PROSER3: variants seen among roughly 807,000 people sequenced by gnomAD.
The protein encoded by PROSER3 is proline and serine rich 3.
Under a neutral mutation model 50.2 loss-of-function variants are expected in PROSER3, and 33 were observed. That is an observed-to-expected ratio of 0.66 (90% CI 0.50 to 0.88). The LOEUF (loss-of-function observed/expected upper bound fraction) is 0.88. Ranked by LOEUF, PROSER3 falls within the 40% of genes least tolerant of loss-of-function variation. The probability of loss-of-function intolerance (pLI) is 0.00; values close to 1 mark genes in which losing one functional copy is unlikely to be tolerated. For synonymous variants in PROSER3, 266 were observed against 259.3 expected (o/e 1.03, Z -0.25); for missense variants, 623 against 612.7 (o/e 1.02, Z -0.18).
intron 3 of PROSER3, among the ~76,000 whole-genome samples, chr19:35,760,846 T>C (rs1970933544): frequency 6.6e-6 from 1 of 152,220 alleles, no homozygotes; most frequent in Non-Finnish European, 1.5e-5. Flanking sequence ...AGTGAGTTAC[T>C]ATATATAATG....
At chr19:35,759,797 C>T in exon 3 of PROSER3, 2 of 1,561,302 alleles carry the variant, frequency 1.3e-6, no homozygotes, top group Non-Finnish European at 1.7e-6. Flanking sequence ...AGACCCTGAG[C>T]CCATCCAGGT....
At chr19:35,761,409 C>T (rs1414312754) in intron 3 of PROSER3, among the ~76,000 whole-genome samples, 3 of 152,020 alleles carry the variant, frequency 2.0e-5, no homozygotes, top group Non-Finnish European at 2.9e-5. Flanking sequence ...CAGTGGCTCA[C>T]GCCTGTAATT....
At chr19:35,761,195 A>G (rs1459013186) in intron 3 of PROSER3, among the ~76,000 whole-genome samples, 9 of 152,204 alleles carry the variant, frequency 5.9e-5, no homozygotes, top group Non-Finnish European at 1.3e-4. Context: ...CTACAAGGGT[A>G]CCTGGTAAAT....
At position 35,767,688 on chromosome 19, in the gene PROSER3, C is replaced by T. The variant is rs866335443; in HGVS notation, c.958-116C>T. The stretch of plus-strand genomic sequence containing the variant: ...CTGTTCCCTGACAGCCTGGAGGACA[C>T]GCCTCCTCACTTCGAGGGCCCCCCT... On this transcript the variant is annotated intron_variant, in intron 8 of 10. Coordinates refer to ENST00000396908, the Ensembl canonical transcript of PROSER3. 3.0e-4 allele frequency: 393 copies of T among 1,298,436 alleles called. 2 individuals carry two copies. The highest frequency in any genetic ancestry group is 1.9e-4 in the Middle Eastern group (1 of 5,250). The allele number at this position is 1,298,436 out of a possible 1,614,324, so 80.4% of individuals were successfully genotyped here. A position where few individuals can be genotyped will look rare whatever the true frequency, so the allele number is the denominator to read the frequency against.
At chr19:35,761,922 C>A in intron 3 of PROSER3, 97 bp from the exon 4 acceptor site, 1 of 1,342,272 alleles carries the variant, frequency 7.5e-7, no homozygotes, top group Non-Finnish European at 1.0e-6. Flanking sequence ...CTACCAGGCT[C>A]TGCCATGGTG....
Position 35,760,011 on chromosome 19 carries a change from G to A in PROSER3, c.311+20G>A. 6.5e-7 allele frequency: 1 copy of A among 1,540,420 alleles called. No homozygotes were observed. Among genetic ancestry groups the A allele is most frequent in the Non-Finnish European group, 8.7e-7 (1 of 1,143,676 alleles). On this transcript the variant is annotated intron_variant, in intron 3 of 10. Transcript: ENST00000396908. Reference sequence around the variant, plus strand: ...GGCCAAGTAAGTACCAGCAGCCCTGGGGGAAAAAGAGGCTTTGGGTTAGAG... The same window carrying A: ...GGCCAAGTAAGTACCAGCAGCCCTGAGGGAAAAAGAGGCTTTGGGTTAGAG...
At chr19:35,765,088 C>T in exon 7 of PROSER3, 2 of 1,614,018 alleles carry the variant, frequency 1.2e-6, no homozygotes, top group South Asian at 1.1e-5. Context: ...CCAGCACTTC[C>T]TCATTCCCCA....
chr19:35,770,490 C>T (rs1971297527), downstream of PROSER3, among the ~76,000 whole-genome samples: 1 of 152,174 alleles, frequency 6.6e-6, no homozygotes, highest in African/African-American at 2.4e-5. Context: ...CATCAAGAGG[C>T]AGAGTCTATG....
chr19:35,759,578 A>G lies in PROSER3; in HGVS notation c.108+108A>G, dbSNP rs1312949041. The G allele has an allele frequency of 6.0e-6, 7 of 1,157,722 alleles. No homozygotes were observed. The East Asian group carries it at 1.5e-4, about 26-fold the overall frequency. 71.7% of individuals were successfully genotyped at this position (1,157,722 alleles called of 1,614,324 possible). A position where few individuals can be genotyped will look rare whatever the true frequency, so the allele number is the denominator to read the frequency against. ...GAGATAGGGATGAGAGATTTAAGAG[A>G]CAGCCCCTTGTCCCCTCCCCACGGC... On this transcript the variant is annotated intron_variant, in intron 2 of 10. Transcript: ENST00000396908.
exon 9 of PROSER3, chr19:35,768,021 A>C (rs1277027223): frequency 1.3e-6 from 2 of 1,584,144 alleles, no homozygotes; most frequent in Non-Finnish European, 1.7e-6. Flanking sequence ...GCCCCCTCGG[A>C]GGCCCTGCTT....
rs183730204 is a variant in PROSER3, at chr19:35,768,404, G to A, written c.1302G>A (p.Arg434=). The A allele has an allele frequency of 9.4e-6, 15 of 1,595,452 alleles. No individual in the cohort carries two copies. The Admixed American group carries it at 2.2e-4, about 23-fold the overall frequency. ...CTCTGCTCTCCCGGCCTTTCTCCAGGGAAGCGGATGCCCGATTATCGTTCC... is the reference window on the plus strand; with the variant it reads ...CTCTGCTCTCCCGGCCTTTCTCCAGAGAAGCGGATGCCCGATTATCGTTCC... The change falls in exon 11 of 11, where the codon AGG becomes AGA. Residue 434 remains arginine, a splice_region_variant and synonymous_variant. Transcript: ENST00000396908.
chr19:35,766,700 A>G, intron 7 of PROSER3, 68 bp from the exon 8 acceptor site: 1 of 1,157,936 alleles, frequency 8.6e-7, no homozygotes, highest in Non-Finnish European at 1.2e-6. Context: ...GCGTGTGTGC[A>G]GGCTGTCCTG....
At chr19:35,767,544 G>A in intron 8 of PROSER3, 2 of 528,466 alleles carry the variant, frequency 3.8e-6, no homozygotes, top group Non-Finnish European at 6.7e-6. Flanking sequence ...AAGAGCCTGG[G>A]GCCCAAGTCT....
chr19:35,758,337 G>T, intron 1 of PROSER3, 111 bp downstream of exon 1: 1 of 1,330,156 alleles, frequency 7.5e-7, no homozygotes. Flanking sequence ...GGGCTCCACC[G>T]CACTGGAACT....
At position 35,768,248 on chromosome 19, in the gene PROSER3, T is replaced by C; in HGVS notation, c.1301+12T>C. Reference sequence around the variant, plus strand: ...AGTCGGCAGAAAAGGTGACCGACCCTCCATCCCCAGAGTCTATGACACTGG... The same window carrying C: ...AGTCGGCAGAAAAGGTGACCGACCCCCCATCCCCAGAGTCTATGACACTGG... On this transcript the variant is annotated intron_variant, in intron 10 of 10. Transcript: ENST00000396908. 1 of 1,608,460 alleles carries C rather than the reference T, an allele frequency of 6.2e-7. No homozygotes were observed. Among genetic ancestry groups the C allele is most frequent in the Non-Finnish European group, 8.5e-7 (1 of 1,177,676 alleles).
chr19:35,758,512 AT>A, intron 1 of PROSER3: 1 of 386,320 alleles, frequency 2.6e-6, no homozygotes, highest in East Asian at 3.8e-5. Flanking sequence ...TCATTTTGAA[AT>A]GGCCCCCAGA....
intron 5 of PROSER3, among the ~76,000 whole-genome samples, chr19:35,763,207 C>A (rs1010235887): frequency 2.0e-5 from 3 of 151,650 alleles, no homozygotes; most frequent in Non-Finnish European, 4.4e-5. Flanking sequence ...TCCATGCCCC[C>A]CCTTTTTTTT....
At chr19:35,765,779 C>T (rs1403806686) in intron 7 of PROSER3, among the ~76,000 whole-genome samples, 1 of 152,112 alleles carries the variant, frequency 6.6e-6, no homozygotes, top group South Asian at 2.1e-4. Flanking sequence ...AAGCGATCCC[C>T]CCACCGCCTT....
Position 35,758,240 on chromosome 19 carries a change from C to G in PROSER3, c.11+14C>G. ...GATGGACCGCAGGTGAGGCCGATCG[C>G]TCTTCCAGGGACTACAGGAGGCTGG... On this transcript the variant is annotated intron_variant, in intron 1 of 10. Coordinates refer to ENST00000396908, the Ensembl canonical transcript of PROSER3. 2 of 1,562,366 alleles carry G rather than the reference C, an allele frequency of 1.3e-6. No homozygotes were observed. Among genetic ancestry groups the G allele is most frequent in the Non-Finnish European group, 1.7e-6 (2 of 1,153,276 alleles).
Sources: gnomAD v4.1 joint callset for allele counts (sites outside exome capture counted in the v4.1 genomes callset) on GRCh38, gnomAD v4.1.1 for gene constraint, MANE v1.5 for transcripts, NCBI Gene and HGNC (gene_info 2026-07-23, HGNC 2026-07-21) for gene names.